SH3PXD2A: variants seen among roughly 807,000 people sequenced by gnomAD.
SH3PXD2A encodes SH3 and PX domains 2A, also known as SH3 and PX domain-containing protein 2A.
SH3PXD2A carries 32 observed loss-of-function variants against 115.2 expected under a neutral mutation model. That is an observed-to-expected ratio of 0.28 (90% CI 0.21 to 0.37). The LOEUF (loss-of-function observed/expected upper bound fraction) is 0.37, where lower values mean the gene tolerates loss of function less well. Ranked by LOEUF, SH3PXD2A falls within the 10% of genes least tolerant of loss-of-function variation. The pLI, the probability that SH3PXD2A is intolerant of heterozygous loss-of-function variation, is 1.00. For synonymous variants in SH3PXD2A, 610 were observed against 629.1 expected, an observed-to-expected ratio of 0.97 and a Z score of 0.45; for missense variants, 1,328 against 1,498.7, an observed-to-expected ratio of 0.89 and a Z score of 1.88.
intron 8 of SH3PXD2A, among the ~76,000 whole-genome samples, chr10:103,648,325 T>C (rs1008497954): frequency 6.6e-6 from 1 of 152,174 alleles, no homozygotes; most frequent in African/African-American, 2.4e-5. Context: ...GCCAGAGCTA[T>C]TGCTTTCATG....
Position 103,753,217 on chromosome 10 carries a change from C to T in SH3PXD2A, c.229+13877G>A, listed in dbSNP as rs574939569. Among the ~76,000 whole-genome samples the T allele has an allele frequency of 3.8e-4, 57 of 150,072 alleles. 1 individual carries two copies. Among genetic ancestry groups the T allele is most frequent in the Admixed American group, 1.7e-3 (25 of 14,906 alleles). Reference sequence around the variant, plus strand: ...GTCAAAGGCTGGGTGCAGTGACTCACGCCTGTAATCCCAGCATTCTGGGAG... The same window carrying T: ...GTCAAAGGCTGGGTGCAGTGACTCATGCCTGTAATCCCAGCATTCTGGGAG... On this transcript the variant is annotated intron_variant, in intron 3 of 14. Transcript: ENST00000369774.
chr10:103,692,384 G>A lies in SH3PXD2A; in HGVS notation c.427+644C>T, dbSNP rs568794654. 9.8e-4 allele frequency among the ~76,000 whole-genome samples: 149 copies of A among 152,236 alleles called. 1 individual carries two copies. The highest frequency in any genetic ancestry group is 3.5e-3 in the African/African-American group (145 of 41,536). ...CTGGCACCTGTCAGGCCAATGCGGG[G>A]GGCGGGGAGGGGGTTGGGGGGGTCG... On this transcript the variant is annotated intron_variant, in intron 6 of 14. Transcript: ENST00000369774.
chr10:103,661,779 A>G, intron 7 of SH3PXD2A: 1 of 985,200 alleles, frequency 1.0e-6, no homozygotes, highest in Non-Finnish European at 1.2e-6. Flanking sequence ...CAACCCTTAA[A>G]TAGAAACACA....
rs1363152937 is a variant in SH3PXD2A, at chr10:103,699,273, A to G, written c.399-6217T>C. ...GCAGTGACCCATTAGTGAGTTTCAGAATCAATTTAATGGTCCCAATGAGCA... is the reference window on the plus strand; with the variant it reads ...GCAGTGACCCATTAGTGAGTTTCAGGATCAATTTAATGGTCCCAATGAGCA... On this transcript the variant is annotated intron_variant, in intron 5 of 14. Coordinates refer to ENST00000369774, the MANE Select transcript of SH3PXD2A (RefSeq NM_001394015.1). Among the ~76,000 whole-genome samples the G allele has an allele frequency of 3.9e-5, 6 of 152,314 alleles. No individual in the cohort carries two copies. In the East Asian group the frequency reaches 1.2e-3, roughly 29 times the overall value.
intron 5 of SH3PXD2A, among the ~76,000 whole-genome samples, chr10:103,698,943 C>T (rs1323295727): frequency 6.6e-6 from 1 of 152,020 alleles, no homozygotes; most frequent in East Asian, 1.9e-4. Context: ...CAGCTCCAAA[C>T]AGTTGTGGAC....
At chr10:103,770,945 A>G (rs1434679958) in intron 2 of SH3PXD2A, among the ~76,000 whole-genome samples, 5 of 152,350 alleles carry the variant, frequency 3.3e-5, no homozygotes, top group Middle Eastern at 3.4e-3. Flanking sequence ...TTCTATGCAT[A>G]TTTATAAGTA....
At chr10:103,657,710 T>C (rs1426836892) in intron 8 of SH3PXD2A, among the ~76,000 whole-genome samples, 1 of 152,232 alleles carries the variant, frequency 6.6e-6, no homozygotes, top group Non-Finnish European at 1.5e-5. Flanking sequence ...CAGTCCTAGG[T>C]ACACATCACC....
intron 8 of SH3PXD2A, among the ~76,000 whole-genome samples, chr10:103,642,120 A>G (rs1176938468): frequency 2.0e-5 from 3 of 151,890 alleles, no homozygotes; most frequent in Non-Finnish European, 4.4e-5. Flanking sequence ...AAGTCTGGAA[A>G]TGGACTGTAT....
rs1267090107 is a variant in SH3PXD2A, at chr10:103,597,938, T to C, written c.*3878A>G. ...AGAACTACCAAACCAAGGTCTAAAC[T>C]TAAATAGTCCTACACCTATTCTGCA... On this transcript the variant is annotated 3_prime_UTR_variant, in exon 15 of 15. Coordinates refer to ENST00000369774, the MANE Select transcript of SH3PXD2A (RefSeq NM_001394015.1). The C allele has an allele frequency of 2.0e-5, 3 of 152,412 alleles. No homozygotes were observed. The highest frequency in any genetic ancestry group is 7.2e-5 in the African/African-American group (3 of 41,446). The allele number at this position is 152,412 out of a possible 1,614,324, so 9.4% of individuals were successfully genotyped here.
At chr10:103,737,618 C>A (rs1314885745) in intron 3 of SH3PXD2A, among the ~76,000 whole-genome samples, 1 of 152,200 alleles carries the variant, frequency 6.6e-6, no homozygotes, top group African/African-American at 2.4e-5. Flanking sequence ...AGAGAATGTA[C>A]CTGACATGTG....
At chr10:103,623,396 C>T (rs900457099) in intron 9 of SH3PXD2A, among the ~76,000 whole-genome samples, 1 of 152,198 alleles carries the variant, frequency 6.6e-6, no homozygotes, top group Non-Finnish European at 1.5e-5. Context: ...CTCCAGATGC[C>T]TCTGTCTTCC....
At chr10:103,607,337 G>A (rs1165848941) in intron 13 of SH3PXD2A, among the ~76,000 whole-genome samples, 8 of 151,698 alleles carry the variant, frequency 5.3e-5, no homozygotes, top group Non-Finnish European at 8.8e-5. Context: ...CCCTCCGACC[G>A]GCAGCTGCCC....
intron 3 of SH3PXD2A, among the ~76,000 whole-genome samples, chr10:103,742,371 C>T (rs2038453775): frequency 1.3e-5 from 2 of 152,204 alleles, no homozygotes; most frequent in African/African-American, 4.8e-5. Context: ...CTGTGTCCCA[C>T]ATCTCCTTCT....
At chr10:103,694,916 A>C (rs138064367) in intron 5 of SH3PXD2A, among the ~76,000 whole-genome samples, 16 of 152,360 alleles carry the variant, frequency 1.1e-4, no homozygotes, top group Middle Eastern at 3.4e-3. Context: ...CCCCCCTTGC[A>C]GAAGGAAGAC....
chr10:103,683,196 C>T (rs1232570091), intron 6 of SH3PXD2A, among the ~76,000 whole-genome samples: 2 of 151,928 alleles, frequency 1.3e-5, no homozygotes, highest in Non-Finnish European at 2.9e-5. Flanking sequence ...CCTGTTTCTA[C>T]CAAATAAATA....
chr10:103,751,240 A>AGGTCATTC (rs2038575172), intron 3 of SH3PXD2A, among the ~76,000 whole-genome samples: 1 of 152,258 alleles, frequency 6.6e-6, no homozygotes, highest in Middle Eastern at 3.2e-3. Flanking sequence ...CAAGATAGAT[A>AGGTCATTC]GGTCATTCAG....
chr10:103,749,927 C>T (rs1263293657), intron 3 of SH3PXD2A: 1 of 152,232 alleles, frequency 6.6e-6, no homozygotes, highest in Non-Finnish European at 1.5e-5. Context: ...GCAGGTGGGT[C>T]CTCTAACTGC....
chr10:103,839,669 G>A (rs1314447469), intron 1 of SH3PXD2A, among the ~76,000 whole-genome samples: 1 of 151,966 alleles, frequency 6.6e-6, no homozygotes, highest in Non-Finnish European at 1.5e-5. Context: ...GCAAGGCTGG[G>A]ATTCCCGTCA....
chr10:103,614,079 C>T (rs991645830), intron 11 of SH3PXD2A, among the ~76,000 whole-genome samples: 16 of 119,986 alleles, frequency 1.3e-4, no homozygotes, highest in African/African-American at 4.3e-4. Flanking sequence ...CTCATCTCTA[C>T]CAAAAAAAAA....
Sources: allele counts gnomAD v4.1 joint callset (sites outside exome capture counted in the v4.1 genomes callset), GRCh38; gene constraint gnomAD v4.1.1; transcripts MANE v1.5; gene names NCBI Gene and HGNC (gene_info 2026-07-23, HGNC 2026-07-21).